ROBO2: variants seen among roughly 807,000 people sequenced by gnomAD.
ROBO2 encodes the protein roundabout guidance receptor 2.
ROBO2 carries 53 observed loss-of-function variants against 160.8 expected under a neutral mutation model. The ratio of observed to expected loss-of-function variants is 0.33; its 90% confidence interval spans 0.26 to 0.41. The LOEUF (loss-of-function observed/expected upper bound fraction) is 0.41, where lower values mean the gene tolerates loss of function less well. Among genes scored for constraint, ROBO2 ranks in the 10% least tolerant of loss-of-function variants. ROBO2 has a pLI of 1.00. For synonymous variants in ROBO2, 664 were observed against 611.7 expected (o/e 1.09, Z -1.26); for missense variants, 1,577 against 1,722.4 (o/e 0.92, Z 1.49).
At position 76,513,910 on chromosome 3, in the gene ROBO2, C is replaced by T. The variant is rs373665144; in HGVS notation, c.109+576308C>T. 2.9e-4 allele frequency among the ~76,000 whole-genome samples: 44 copies of T among 152,158 alleles called. 2 individuals are homozygous for T. Among genetic ancestry groups the T allele is most frequent in the South Asian group, 2.7e-3 (13 of 4,816 alleles). On this transcript the variant is annotated intron_variant, in intron 2 of 26. Coordinates refer to the ROBO2 transcript ENST00000487694. ...TGTAAGAACTTTTTGAAAAAATAAC[C>T]ATAATATCATTAACACTACCAAAAA...
At chr3:76,853,263 TAGTTGGTA>T (rs2069614520) in intron 2 of ROBO2, among the ~76,000 whole-genome samples, 1 of 152,060 alleles carries the variant, frequency 6.6e-6, no homozygotes, top group Non-Finnish European at 1.5e-5. Context: ...AACTAAAAAA[TAGTTGGTA>T]AGATTGCCAC....
intron 1 of ROBO2, among the ~76,000 whole-genome samples, chr3:75,924,604 C>T (rs528809677): frequency 6.6e-5 from 10 of 150,410 alleles, no homozygotes; most frequent in South Asian, 6.3e-4. Flanking sequence ...CACAGTAAGA[C>T]GGCTTTTATT....
intron 2 of ROBO2, among the ~76,000 whole-genome samples, chr3:76,870,814 A>C: frequency 6.6e-6 from 1 of 152,158 alleles, no homozygotes; most frequent in East Asian, 1.9e-4. Context: ...TTAAAAAAAA[A>C]CACTCTGCCA....
At chr3:76,821,133 G>A (rs778667468) in intron 2 of ROBO2, among the ~76,000 whole-genome samples, 5 of 151,720 alleles carry the variant, frequency 3.3e-5, no homozygotes, top group Non-Finnish European at 7.4e-5. Flanking sequence ...CAAAACAATC[G>A]AAAAAATAAA....
At chr3:76,736,584 T>G (rs1199097838) in intron 2 of ROBO2, among the ~76,000 whole-genome samples, 1 of 152,204 alleles carries the variant, frequency 6.6e-6, no homozygotes, top group Admixed American at 6.5e-5. Context: ...ATAGACAGAC[T>G]TTTAGAATTT....
chr3:77,548,534 G>A (rs781752763), intron 7 of ROBO2, among the ~76,000 whole-genome samples: 6 of 152,118 alleles, frequency 3.9e-5, no homozygotes, highest in Non-Finnish European at 8.8e-5. Flanking sequence ...ACAAGGTAGT[G>A]CATAAAATGT....
At chr3:77,420,099 A>T (rs1461875215) in intron 2 of ROBO2, among the ~76,000 whole-genome samples, 1 of 152,158 alleles carries the variant, frequency 6.6e-6, no homozygotes, top group East Asian at 1.9e-4. Flanking sequence ...ACATTAAAAA[A>T]AAATTCTTTA....
chr3:77,040,121 C>A, exon 1 of ROBO2: 1 of 985,312 alleles, frequency 1.0e-6, no homozygotes. Flanking sequence ...GATTCTCCAC[C>A]CGAATCGTCC....
chr3:77,407,758 A>G (rs1158638497), intron 2 of ROBO2, among the ~76,000 whole-genome samples: 4 of 152,214 alleles, frequency 2.6e-5, no homozygotes, highest in Admixed American at 2.0e-4. Flanking sequence ...TATTTTAGAC[A>G]TTACTCTTAA....
intron 2 of ROBO2, among the ~76,000 whole-genome samples, chr3:76,937,952 A>G (rs1559732024): frequency 6.6e-6 from 1 of 152,230 alleles, no homozygotes; most frequent in Admixed American, 6.5e-5. Flanking sequence ...AATCCAAACT[A>G]GGATTCAAGT....
At chr3:76,993,021 T>G (rs2060781039) in intron 2 of ROBO2, among the ~76,000 whole-genome samples, 1 of 152,182 alleles carries the variant, frequency 6.6e-6, no homozygotes, top group African/African-American at 2.4e-5. Context: ...TTTCACCATG[T>G]TTGCCAGGCT....
At chr3:76,387,617 C>A (rs2076955677) in intron 2 of ROBO2, among the ~76,000 whole-genome samples, 4 of 152,000 alleles carry the variant, frequency 2.6e-5, no homozygotes, top group Non-Finnish European at 5.9e-5. Flanking sequence ...TGCAAAACAG[C>A]CCTATAAAGA....
At chr3:76,263,063 C>T (rs561244907) in intron 2 of ROBO2, among the ~76,000 whole-genome samples, 7 of 152,146 alleles carry the variant, frequency 4.6e-5, no homozygotes, top group South Asian at 2.1e-4. Flanking sequence ...AGAAATCTCC[C>T]GAATATTGTA....
At chr3:76,678,022 G>A (rs564304406) in intron 2 of ROBO2, among the ~76,000 whole-genome samples, 7 of 119,532 alleles carry the variant, frequency 5.9e-5, no homozygotes, top group East Asian at 2.8e-4. Context: ...TCAGGCTGGC[G>A]TGCAGTGGCG....
chr3:76,999,113 A>G (rs1231147305), intron 2 of ROBO2, among the ~76,000 whole-genome samples: 3 of 152,032 alleles, frequency 2.0e-5, no homozygotes, highest in Admixed American at 2.0e-4. Flanking sequence ...ATGTGCTTAC[A>G]GAATACATTT....
At chr3:76,294,300 A>G (rs1431876278) in intron 2 of ROBO2, among the ~76,000 whole-genome samples, 1 of 152,052 alleles carries the variant, frequency 6.6e-6, no homozygotes, top group Admixed American at 6.5e-5. Flanking sequence ...CCACCCTTCC[A>G]ACTCAGAAGG....
chr3:76,599,342 G>A (rs896927945), intron 2 of ROBO2, among the ~76,000 whole-genome samples: 1 of 152,132 alleles, frequency 6.6e-6, no homozygotes, highest in Non-Finnish European at 1.5e-5. Flanking sequence ...TTCTGTTTCT[G>A]TATCAGTTTG....
At chr3:77,351,959 A>G (rs2068398867) in intron 2 of ROBO2, among the ~76,000 whole-genome samples, 1 of 150,762 alleles carries the variant, frequency 6.6e-6, no homozygotes, top group Non-Finnish European at 1.5e-5. Flanking sequence ...GAGTGGGGGC[A>G]GGGGGGAGGG....
At chr3:77,179,396 CA>C (rs1213537074) in intron 2 of ROBO2, among the ~76,000 whole-genome samples, 1 of 151,118 alleles carries the variant, frequency 6.6e-6, no homozygotes, top group African/African-American at 2.4e-5. Flanking sequence ...AAATATATTT[CA>C]TTTTTTCATA....
Sources: allele counts gnomAD v4.1 joint callset (sites outside exome capture counted in the v4.1 genomes callset), GRCh38; gene constraint gnomAD v4.1.1; transcripts MANE v1.5; gene names NCBI Gene and HGNC (gene_info 2026-07-23, HGNC 2026-07-21).